RAB3C: variants seen among roughly 807,000 people sequenced by gnomAD.
The protein encoded by RAB3C is ras-related protein Rab-3C.
RAB3C carries 17 observed loss-of-function variants against 26.4 expected under a neutral mutation model. The ratio of observed to expected loss-of-function variants is 0.64; its 90% CI spans 0.44 to 0.97. The LOEUF is 0.97. Ranked by LOEUF, RAB3C falls within the 50% of genes least tolerant of loss-of-function variation. The pLI is 0.00. For missense variants in RAB3C, 242 were observed against 281.9 expected, an observed-to-expected ratio of 0.86 and a Z score of 1.01; for synonymous variants, 91 against 95.9, an observed-to-expected ratio of 0.95 and a Z score of 0.30.
At chr5:58,681,960 T>G (rs552999536) in intron 2 of RAB3C, among the ~76,000 whole-genome samples, 2 of 152,340 alleles carry the variant, frequency 1.3e-5, no homozygotes, top group African/African-American at 4.8e-5. Flanking sequence ...CCTTTGTGAT[T>G]TATCAGCTGA....
intron 3 of RAB3C, among the ~76,000 whole-genome samples, chr5:58,765,440 G>T (rs966546006): frequency 2.0e-5 from 3 of 151,952 alleles, no homozygotes. Flanking sequence ...AATAAAACTC[G>T]CTCATTTTAG....
intron 3 of RAB3C, among the ~76,000 whole-genome samples, chr5:58,752,895 T>A (rs1277762783): frequency 6.6e-6 from 1 of 152,188 alleles, no homozygotes; most frequent in Non-Finnish European, 1.5e-5. Context: ...ATTGATGATC[T>A]AACTACTTGT....
intron 3 of RAB3C, among the ~76,000 whole-genome samples, chr5:58,769,116 T>G (rs1164636211): frequency 6.6e-6 from 1 of 151,614 alleles, no homozygotes; most frequent in South Asian, 2.1e-4. Context: ...GCCGTTAGTT[T>G]TGGGCCCTGA....
intron 2 of RAB3C, among the ~76,000 whole-genome samples, chr5:58,624,859 G>T (rs1418954986): frequency 6.6e-6 from 1 of 151,804 alleles, no homozygotes; most frequent in African/African-American, 2.4e-5. Flanking sequence ...GTAAAATGAA[G>T]AGGATCCACT....
chr5:58,805,208 A>T (rs1421782991), intron 3 of RAB3C, among the ~76,000 whole-genome samples: 1 of 152,136 alleles, frequency 6.6e-6, no homozygotes. Flanking sequence ...ATAACTCAGA[A>T]ATTTAAAAAA....
chr5:58,777,663 G>C (rs1253359868), intron 3 of RAB3C, among the ~76,000 whole-genome samples: 1 of 142,592 alleles, frequency 7.0e-6, no homozygotes, highest in African/African-American at 2.6e-5. Context: ...TGTTACATAT[G>C]TATACATGAG....
chr5:58,762,146 A>G (rs1741808997), intron 3 of RAB3C, among the ~76,000 whole-genome samples: 2 of 152,178 alleles, frequency 1.3e-5, no homozygotes, highest in South Asian at 4.1e-4. Flanking sequence ...CAATATAAAA[A>G]TTAATGAGCT....
At chr5:58,807,024 T>C (rs1050747472) in intron 3 of RAB3C, among the ~76,000 whole-genome samples, 2 of 152,232 alleles carry the variant, frequency 1.3e-5, no homozygotes, top group East Asian at 3.8e-4. Context: ...TGAATAGTGG[T>C]ATTTTCTAAG....
At chr5:58,616,099 C>T (rs1160808275) in intron 1 of RAB3C, among the ~76,000 whole-genome samples, 3 of 152,016 alleles carry the variant, frequency 2.0e-5, no homozygotes, top group Admixed American at 2.0e-4. Context: ...GGAGCCTCTC[C>T]CTTTTCCTCC....
At chr5:58,738,295 A>G (rs1321333955) in intron 3 of RAB3C, among the ~76,000 whole-genome samples, 1 of 152,204 alleles carries the variant, frequency 6.6e-6, no homozygotes. Context: ...TGAAAAAAAA[A>G]TGTAAAGCCT....
At chr5:58,779,126 A>G (rs760182364) in intron 3 of RAB3C, among the ~76,000 whole-genome samples, 2 of 151,996 alleles carry the variant, frequency 1.3e-5, no homozygotes, top group Non-Finnish European at 2.9e-5. Context: ...GAACACTCAT[A>G]ATGTCAGCCT....
intron 2 of RAB3C, among the ~76,000 whole-genome samples, chr5:58,675,387 C>G (rs1489019907): frequency 6.6e-6 from 1 of 152,048 alleles, no homozygotes; most frequent in African/African-American, 2.4e-5. Context: ...TTTGAAGTTC[C>G]TTTGCAAAGA....
chr5:58,621,423 G>T (rs996838874), intron 2 of RAB3C, among the ~76,000 whole-genome samples: 1 of 152,180 alleles, frequency 6.6e-6, no homozygotes, highest in African/African-American at 2.4e-5. Context: ...CTCCTGCTAG[G>T]TGGGCTAGTC....
intron 3 of RAB3C, among the ~76,000 whole-genome samples, chr5:58,736,620 C>G (rs1302892959): frequency 1.3e-5 from 2 of 152,220 alleles, no homozygotes; most frequent in East Asian, 3.9e-4. Context: ...AACATCTTCA[C>G]ATTATCTTTT....
intron 3 of RAB3C, among the ~76,000 whole-genome samples, chr5:58,792,267 T>TAA (rs1742540927): frequency 6.6e-6 from 1 of 152,212 alleles, no homozygotes; most frequent in Non-Finnish European, 1.5e-5. Flanking sequence ...CTTCTATATC[T>TAA]GGAATACTTC....
intron 2 of RAB3C, among the ~76,000 whole-genome samples, chr5:58,667,443 G>A (rs1349988687): frequency 6.6e-6 from 1 of 152,186 alleles, no homozygotes; most frequent in Admixed American, 6.5e-5. Context: ...CATCCTGAAA[G>A]CATTAGGACA....
At chr5:58,817,835 A>C (rs1213155023) in intron 3 of RAB3C, among the ~76,000 whole-genome samples, 1 of 152,220 alleles carries the variant, frequency 6.6e-6, no homozygotes, top group African/African-American at 2.4e-5. Flanking sequence ...AAATAACAAA[A>C]GGGCCAATTA....
intron 1 of RAB3C, among the ~76,000 whole-genome samples, chr5:58,591,727 C>T (rs1338665111): frequency 6.7e-6 from 1 of 149,988 alleles, no homozygotes; most frequent in Non-Finnish European, 1.5e-5. Context: ...TTTTCTTGGT[C>T]CATTTTCATA....
intron 1 of RAB3C, among the ~76,000 whole-genome samples, chr5:58,612,680 C>T (rs924920794): frequency 1.3e-5 from 2 of 151,272 alleles, no homozygotes; most frequent in East Asian, 1.9e-4. Flanking sequence ...TTTTGTATCA[C>T]GAGACTTTGC....
Sources: gnomAD v4.1 joint callset for allele counts (sites outside exome capture counted in the v4.1 genomes callset) on GRCh38, gnomAD v4.1.1 for gene constraint, MANE v1.5 for transcripts, NCBI Gene and HGNC (gene_info 2026-07-23, HGNC 2026-07-21) for gene names.